PCDH11X: variants seen among roughly 807,000 people sequenced by gnomAD.
The protein encoded by PCDH11X is protocadherin 11 X-linked, also known as protocadherin-11 X-linked.
PCDH11X carries 18 observed loss-of-function variants against 53.3 expected under a neutral mutation model. The ratio of observed to expected loss-of-function variants is 0.34; its 90% CI spans 0.23 to 0.50. The LOEUF (loss-of-function observed/expected upper bound fraction) is 0.50. Ranked by LOEUF, PCDH11X falls within the 20% of genes least tolerant of loss-of-function variation. The pLI is 0.98. For synonymous variants in PCDH11X, 279 were observed against 393.3 expected (o/e 0.71, Z 3.44); for missense variants, 570 against 1,032.4 (o/e 0.55, Z 6.14).
intron 6 of PCDH11X, among the ~76,000 whole-genome samples, chrX:92,012,200 T>G (rs1183796702): frequency 2.0e-5 from 2 of 102,415 alleles, no homozygotes; most frequent in Non-Finnish European, 4.0e-5. Flanking sequence ...GACCATGTGG[T>G]TTTTTTTTTG....
chrX:91,831,209 G>C (rs1410677158), intron 4 of PCDH11X, among the ~76,000 whole-genome samples: 1 of 110,861 alleles, frequency 9.0e-6, no homozygotes, highest in African/African-American at 3.3e-5. Flanking sequence ...TACAACTATT[G>C]CTTACCCAAC....
chrX:92,079,613 T>A (rs1181108154), intron 6 of PCDH11X, among the ~76,000 whole-genome samples: 1 of 111,756 alleles, frequency 8.9e-6, no homozygotes, highest in African/African-American at 3.3e-5. Flanking sequence ...AGGAAAAGTT[T>A]TTTTAGGCTT....
chrX:91,794,105 T>A (rs1273637872), intron 1 of PCDH11X, among the ~76,000 whole-genome samples: 5 of 112,074 alleles, frequency 4.5e-5, no homozygotes. Context: ...AAAAACACTA[T>A]CCTTTTTGTA....
intron 8 of PCDH11X, among the ~76,000 whole-genome samples, chrX:92,265,091 G>C (rs1469167479): frequency 1.8e-5 from 2 of 109,041 alleles, no homozygotes; most frequent in Non-Finnish European, 3.8e-5. Flanking sequence ...TAGGGGATGG[G>C]GTCTCGCTCT....
intron 10 of PCDH11X, among the ~76,000 whole-genome samples, chrX:92,493,220 T>G (rs2073798046): frequency 9.0e-6 from 1 of 111,275 alleles, no homozygotes; most frequent in Admixed American, 9.6e-5. Flanking sequence ...TTACTTTTAC[T>G]GCAATGGTAA....
chrX:92,309,636 T>C (rs1281681750), intron 8 of PCDH11X, among the ~76,000 whole-genome samples: 2 of 112,017 alleles, frequency 1.8e-5, no homozygotes, highest in Admixed American at 9.5e-5. Context: ...ACACTTAAAA[T>C]GGGTTAAAAT....
At chrX:92,070,666 T>C (rs2063686839) in intron 6 of PCDH11X, among the ~76,000 whole-genome samples, 1 of 111,671 alleles carries the variant, frequency 9.0e-6, no homozygotes, top group Non-Finnish European at 1.9e-5. Flanking sequence ...TAAATCTGCT[T>C]GGTATTCTGT....
rs1196675160 is a variant in PCDH11X, at chrX:91,824,330, G to T, written c.-44-11131G>T. The stretch of plus-strand genomic sequence containing the variant: ...GGTACACCAATCAGACGTAGATTTG[G>T]TCTTTTCACATAGTCCCATATTTCT... On this transcript the variant is annotated intron_variant, in intron 4 of 10. Coordinates refer to ENST00000682573, the MANE Select transcript of PCDH11X (RefSeq NM_032968.5). 2.7e-5 allele frequency among the ~76,000 whole-genome samples: 3 copies of T among 110,106 alleles called. No individual in the cohort carries two copies. In the East Asian group the frequency reaches 8.5e-4, roughly 31 times the overall value.
intron 8 of PCDH11X, among the ~76,000 whole-genome samples, chrX:92,327,611 A>G (rs1230378728): frequency 9.4e-6 from 1 of 106,176 alleles, no homozygotes; most frequent in Admixed American, 1.0e-4. Context: ...GAAGCTTTTT[A>G]TCCTGACTTT....
At chrX:92,182,566 T>G (rs2066015057) in intron 6 of PCDH11X, among the ~76,000 whole-genome samples, 1 of 111,577 alleles carries the variant, frequency 9.0e-6, no homozygotes, top group Non-Finnish European at 1.9e-5. Context: ...CCACATGATG[T>G]GGGAAGGACC....
chrX:91,907,550 T>C (rs899318466), intron 6 of PCDH11X, among the ~76,000 whole-genome samples: 11 of 108,498 alleles, frequency 1.0e-4, no homozygotes, highest in African/African-American at 3.7e-4. Flanking sequence ...TTTTAATATA[T>C]TGCCAATGTC....
chrX:92,150,842 G>C (rs1452292235), intron 6 of PCDH11X, among the ~76,000 whole-genome samples: 2 of 109,503 alleles, frequency 1.8e-5, no homozygotes, highest in Non-Finnish European at 3.8e-5. Flanking sequence ...CCAATTATTT[G>C]GTGCTAATAT....
Position 91,898,896 on chromosome X carries a change from C to A in PCDH11X, c.3033+19623C>A, listed in dbSNP as rs569719271. Among the ~76,000 whole-genome samples, 130 of 109,221 alleles carry A rather than the reference C, an allele frequency of 1.2e-3. 2 individuals are homozygous for A. The South Asian group carries it at 0.052, about 44-fold the overall frequency. The allele number at this position is 109,221 out of a possible 115,157, so 94.8% of individuals were successfully genotyped here. A position where few individuals can be genotyped will look rare whatever the true frequency, so the allele number is the denominator to read the frequency against. On this transcript the variant is annotated intron_variant, in intron 6 of 10. Coordinates refer to ENST00000682573, the MANE Select transcript of PCDH11X (RefSeq NM_032968.5). The stretch of plus-strand genomic sequence containing the variant: ...GTGACCTTGGAAAATCAATCATCTT[C>A]TCTGTCTGAGACTCAATTTCTTCTT...
Position 91,791,793 on chromosome X carries a change from G to C in PCDH11X, c.-379+12109G>C, listed in dbSNP as rs200437543. Among the ~76,000 whole-genome samples the C allele has an allele frequency of 1.6e-4, 15 of 94,899 alleles. No homozygotes were observed. In the South Asian group the frequency reaches 2.0e-3, roughly 13 times the overall value. 82.4% of individuals were successfully genotyped at this position (94,899 alleles called of 115,157 possible). On this transcript the variant is annotated intron_variant, in intron 1 of 10. Coordinates refer to ENST00000682573, the MANE Select transcript of PCDH11X (RefSeq NM_032968.5). ...AACATCTTCATACTCTATTATCAAA[G>C]AATAGAGAAGAAAACTTACTCTATG...
chrX:92,496,415 C>T (rs2073860566), intron 10 of PCDH11X, among the ~76,000 whole-genome samples: 1 of 107,015 alleles, frequency 9.3e-6, no homozygotes, highest in South Asian at 3.9e-4. Context: ...TTATGTAGGC[C>T]ATCTAGGAAT....
intron 6 of PCDH11X, among the ~76,000 whole-genome samples, chrX:91,922,580 G>A (rs1185844671): frequency 4.5e-5 from 5 of 111,857 alleles, no homozygotes; most frequent in Admixed American, 9.5e-5. Flanking sequence ...CCTGAGCTCC[G>A]CCTGCTGTCA....
chrX:92,100,753 T>A (rs1021672765), intron 6 of PCDH11X, among the ~76,000 whole-genome samples: 1 of 107,097 alleles, frequency 9.3e-6, no homozygotes, highest in South Asian at 4.0e-4. Context: ...ACGGTGAAAA[T>A]TTTTGGGGGG....
rs192707628 is a variant in PCDH11X, at chrX:92,460,956, A to C, written c.3344-7343A>C. The C allele has an allele frequency of 9.1e-4, 975 of 1,068,690 alleles. 8 individuals are homozygous for C. In the African/African-American group the frequency reaches 0.016, roughly 17 times the overall value. The allele number at this position is 1,068,690 out of a possible 1,213,427, so 88.1% of individuals were successfully genotyped here. A position where few individuals can be genotyped will look rare whatever the true frequency, so the allele number is the denominator to read the frequency against. ...CACCAAAGTTCTGAGGCATTAAGCC[A>C]GCAGAAGCAGGGTACCCTTTGGGGA... On this transcript the variant is annotated intron_variant, in intron 9 of 10. Transcript: ENST00000682573.
At chrX:92,258,074 G>C (rs1311294372) in intron 7 of PCDH11X, among the ~76,000 whole-genome samples, 1 of 111,817 alleles carries the variant, frequency 8.9e-6, no homozygotes, top group Admixed American at 9.5e-5. Context: ...TGTACCTGCA[G>C]GCTTACCTCC....
Sources: allele counts gnomAD v4.1 joint callset (sites outside exome capture counted in the v4.1 genomes callset), GRCh38; gene constraint gnomAD v4.1.1; transcripts MANE v1.5; gene names NCBI Gene and HGNC (gene_info 2026-07-23, HGNC 2026-07-21).